CPNE7: variants seen among roughly 807,000 people sequenced by gnomAD.
CPNE7 encodes the protein copine-7.
In CPNE7, 78 loss-of-function variants were observed where a neutral mutation model predicts 66.5. The observed-to-expected ratio is 1.17, with a 90% CI of 0.98 to 1.42. CPNE7 has a LOEUF of 1.42. CPNE7 is among the 40% of genes most tolerant of loss of function. The pLI, the probability that CPNE7 is intolerant of heterozygous loss-of-function variation, is 0.00. For missense variants in CPNE7, 1,012 were observed against 776.6 expected, an observed-to-expected ratio of 1.30 and a Z score of -3.60; for synonymous variants, 468 against 336.7, an observed-to-expected ratio of 1.39 and a Z score of -4.27.
intron 5 of CPNE7, 115 bp from the exon 6 acceptor site, chr16:89,585,349 C>A: frequency 1.4e-6 from 1 of 735,040 alleles, no homozygotes; most frequent in Non-Finnish European, 2.4e-6. Flanking sequence ...TGGGGTGATG[C>A]AGGGGCAGGG....
At chr16:89,591,613 T>G (rs1303891501) in intron 13 of CPNE7, among the ~76,000 whole-genome samples, 1 of 152,190 alleles carries the variant, frequency 6.6e-6, no homozygotes, top group African/African-American at 2.4e-5. Flanking sequence ...AATGATACGG[T>G]GCCGAGAACT....
chr16:89,583,497 C>T lies in CPNE7; in HGVS notation c.358-200C>T, dbSNP rs200477040. The T allele has an allele frequency of 3.4e-4, 534 of 1,556,284 alleles. 3 individuals carry two copies. Among genetic ancestry groups the T allele is most frequent in the Non-Finnish European group, 4.0e-4 (461 of 1,150,594 alleles). ...ACTGCTGGCGCCGTGAGGTGGTGGA[C>T]GTGCAGGGGTGGCCACACGCAGGGA... On this transcript the variant is annotated intron_variant, in intron 2 of 14. Coordinates refer to ENST00000319518, the MANE Select transcript of CPNE7 (RefSeq NM_153636.3).
In CPNE7 at chr16:89,584,535, GC is replaced by G. The variant is rs2059005755; in HGVS notation, c.508-238del. Among the ~76,000 whole-genome samples, 1 of 152,040 alleles carries G rather than the reference GC, an allele frequency of 6.6e-6. No homozygotes were observed. The highest frequency in any genetic ancestry group is 2.4e-5 in the African/African-American group (1 of 41,408). Reference sequence around the variant, plus strand: ...GGTGTGTAGGGCAAGTCCGTGGAGGGCTGAGTCGCAGGGTGTGCAGGGTGAC... The same window carrying G: ...GGTGTGTAGGGCAAGTCCGTGGAGGGTGAGTCGCAGGGTGTGCAGGGTGAC... On this transcript the variant is annotated intron_variant, in intron 4 of 14. Coordinates refer to ENST00000319518, the MANE Select transcript of CPNE7 (RefSeq NM_153636.3). The surrounding 1 kb of genome is among the most constrained non-coding windows in gnomAD (Gnocchi z 6.0).
chr16:89,586,035 A>T (rs1597704197), intron 7 of CPNE7, among the ~76,000 whole-genome samples: 2 of 18,788 alleles, frequency 1.1e-4, no homozygotes, highest in Non-Finnish European at 2.0e-4. Context: ...TAGCAGGGGG[A>T]GGGGGCATTC....
chr16:89,580,970 T>G (rs1597695879), intron 2 of CPNE7, among the ~76,000 whole-genome samples: 1 of 119,864 alleles, frequency 8.3e-6, no homozygotes, highest in Admixed American at 8.9e-5. Context: ...ACATGGAACA[T>G]CTCACCCATC....
intron 1 of CPNE7, among the ~76,000 whole-genome samples, chr16:89,576,310 G>C (rs1008671018): frequency 6.6e-6 from 1 of 152,068 alleles, no homozygotes; most frequent in African/African-American, 2.4e-5. Context: ...GAGGAGAGAG[G>C]GGGGTGCCCC....
rs1287452606 is a variant in CPNE7 at position 89,589,808 on chromosome 16, T to C, written c.1062-89T>C. The C allele has an allele frequency of 5.5e-6, 8 of 1,449,734 alleles. No individual in the cohort carries two copies. The African/African-American group carries it at 1.1e-4, about 20-fold the overall frequency. 89.8% of individuals were successfully genotyped at this position (1,449,734 alleles called of 1,614,324 possible). A position where few individuals can be genotyped will look rare whatever the true frequency, so the allele number is the denominator to read the frequency against. On this transcript the variant is annotated intron_variant, in intron 10 of 14. Transcript: ENST00000319518. ...ACCAGGCCTGGGCACCCCCAGTCTT[T>C]TGGGCGCCAGTCATGTCTCCCTAGA... is the stretch of plus-strand genomic sequence containing the variant.
intron 9 of CPNE7, chr16:89,587,520 C>G (rs1275927893): frequency 4.4e-6 from 2 of 452,722 alleles, no homozygotes; most frequent in South Asian, 3.1e-5. Context: ...GGTGACATCA[C>G]CAGGGCTTAC....
intron 9 of CPNE7, 120 bp from the exon 10 acceptor site, chr16:89,588,555 C>A (rs941808612): frequency 5.5e-6 from 7 of 1,272,840 alleles, no homozygotes; most frequent in Non-Finnish European, 7.7e-6. Flanking sequence ...CCCAGCCCTA[C>A]CCACCTACGC....
At chr16:89,582,050 T>C (rs1031071534) in intron 2 of CPNE7, among the ~76,000 whole-genome samples, 1 of 152,242 alleles carries the variant, frequency 6.6e-6, no homozygotes, top group Non-Finnish European at 1.5e-5. Flanking sequence ...TGTGGACACC[T>C]GCGTGCAGAT....
At chr16:89,592,973 C>T (rs528881752) in intron 13 of CPNE7, among the ~76,000 whole-genome samples, 23 of 151,114 alleles carry the variant, frequency 1.5e-4, no homozygotes, top group African/African-American at 4.9e-4. Context: ...CCACCATACC[C>T]GGCTAATTTT....
intron 13 of CPNE7, chr16:89,593,975 CTGA>C (rs2059213830): frequency 6.6e-6 from 1 of 152,218 alleles, no homozygotes; most frequent in African/African-American, 2.4e-5. Flanking sequence ...GCCACGACAC[CTGA>C]TCACACCTAA....
rs184359017 is a variant in CPNE7, at chr16:89,590,957, T to A, written c.1117-50T>A. 5.3e-4 allele frequency: 842 copies of A among 1,594,654 alleles called. 3 individuals are homozygous for A. In the African/African-American group the frequency reaches 0.01, roughly 19 times the overall value. ...AGCTGACCGAGGGACATGGGGCCAGTGGGGTGTGTTGCAACGAGCAGCTGA... is the reference window on the plus strand; with the variant it reads ...AGCTGACCGAGGGACATGGGGCCAGAGGGGTGTGTTGCAACGAGCAGCTGA... On this transcript the variant is annotated intron_variant, in intron 11 of 14. Transcript: ENST00000319518.
chr16:89,583,832 T>G, intron 3 of CPNE7, 61 bp downstream of exon 3: 1 of 1,585,978 alleles, frequency 6.3e-7, no homozygotes, highest in Non-Finnish European at 8.6e-7. Context: ...CGAGGGGTGT[T>G]GTGGGCGGAA....
At chr16:89,589,530 C>T (rs1332727183) in intron 10 of CPNE7, among the ~76,000 whole-genome samples, 1 of 152,118 alleles carries the variant, frequency 6.6e-6, no homozygotes, top group East Asian at 1.9e-4. Context: ...GAGAGGATGC[C>T]CTGAGCTCCC....
chr16:89,588,944 C>G, intron 10 of CPNE7, 136 bp downstream of exon 10: 5 of 1,060,804 alleles, frequency 4.7e-6, no homozygotes, highest in South Asian at 1.5e-5. Context: ...CCCTCACCCC[C>G]CTGGGCTCCA....
rs1350796197 is a variant in CPNE7 at position 89,585,557 on chromosome 16, G to C, written c.681+4G>C. 1.9e-6 allele frequency: 3 copies of C among 1,609,392 alleles called. No individual in the cohort carries two copies. Among genetic ancestry groups the C allele is most frequent in the African/African-American group, 2.7e-5 (2 of 74,598 alleles). On this transcript the variant is annotated splice_donor_region_variant and intron_variant, in intron 6 of 14. Coordinates refer to ENST00000319518, the MANE Select transcript of CPNE7 (RefSeq NM_153636.3). ...CGAGGAGACAAGGCCTCTAAAGGTG[G>C]GGGACGGGATGGACCAAGGGGGCAG... is the stretch of plus-strand genomic sequence containing the variant.
At chr16:89,581,873 C>G (rs76751818) in intron 2 of CPNE7, among the ~76,000 whole-genome samples, 2 of 152,116 alleles carry the variant, frequency 1.3e-5, no homozygotes, top group Admixed American at 6.5e-5. Context: ...CTTGAACTCC[C>G]GGGCTCACCG....
At chr16:89,578,813 C>A (rs1298488075) in intron 2 of CPNE7, 1 of 1,556,684 alleles carries the variant, frequency 6.4e-7, no homozygotes, top group Non-Finnish European at 8.7e-7. Flanking sequence ...CCTACGGTGG[C>A]CACTGCTTCC....
Sources: gnomAD v4.1 joint callset for allele counts (sites outside exome capture counted in the v4.1 genomes callset) on GRCh38, gnomAD v4.1.1 for gene constraint, Gnocchi (gnomAD v3.1) non-coding constraint, MANE v1.5 for transcripts, NCBI Gene and HGNC (gene_info 2026-07-23, HGNC 2026-07-21) for gene names.